Variants in MYO18B observed in about 807,000 individuals in gnomAD.
MYO18B encodes the protein unconventional myosin-XVIIIb.
A neutral mutation model predicts 273.0 loss-of-function variants in MYO18B; 204 were observed. The observed-to-expected ratio is 0.75, with a 90% CI of 0.67 to 0.84. The LOEUF (loss-of-function observed/expected upper bound fraction) is 0.84. Among genes scored for constraint, MYO18B ranks in the 40% least tolerant of loss-of-function variants. MYO18B has a pLI of 0.00. For missense variants in MYO18B, 3,212 were observed against 3,287.6 expected (o/e 0.98, Z 0.56); for synonymous variants, 1,330 against 1,305.7 (o/e 1.02, Z -0.40).
intron 10 of MYO18B, 132 bp downstream of exon 10, chr22:25,781,966 G>T: frequency 1.7e-6 from 1 of 583,080 alleles, no homozygotes; most frequent in African/African-American, 1.9e-5. Context: ...CATGGCGTCC[G>T]ATTCCAGCTG....
rs3070566 is a variant in MYO18B at position 25,914,686 on chromosome 22, CTT to C, written c.5364+3663_5364+3664del. Among the ~76,000 whole-genome samples the C allele has an allele frequency of 4.1e-4, 21 of 50,836 alleles. No homozygotes were observed. In the East Asian group the frequency reaches 8.0e-3, roughly 19 times the overall value. The allele number at this position is 50,836 out of a possible 152,430, so 33.4% of individuals were successfully genotyped here. ...TTTGAAAATAAGAATAGTTTTGACT[CTT>C]TTTTTTTTTTTTTTTTTTTTTTTTT... On this transcript the variant is annotated intron_variant, in intron 33 of 43. Transcript: ENST00000335473.
At chr22:25,808,241 C>T (rs113339306) in intron 12 of MYO18B, among the ~76,000 whole-genome samples, 3 of 152,176 alleles carry the variant, frequency 2.0e-5, no homozygotes, top group Non-Finnish European at 4.4e-5. Context: ...AGACACAATC[C>T]TCTTCCCAGG....
At chr22:25,772,771 G>C (rs2086769561) in intron 7 of MYO18B, among the ~76,000 whole-genome samples, 1 of 152,242 alleles carries the variant, frequency 6.6e-6, no homozygotes, top group African/African-American at 2.4e-5. Flanking sequence ...AATACTGAAT[G>C]AGTGTGAACT....
intron 21 of MYO18B, among the ~76,000 whole-genome samples, chr22:25,856,956 T>G (rs117797396): frequency 0.041 from 6,165 of 152,144 alleles, 185 homozygotes; most frequent in East Asian, 0.14. Flanking sequence ...TCCATGGTCC[T>G]CTCTAGGAAG....
chr22:26,005,963 T>G (rs955899178), intron 42 of MYO18B, among the ~76,000 whole-genome samples: 2 of 152,192 alleles, frequency 1.3e-5, no homozygotes, highest in Admixed American at 6.5e-5. Flanking sequence ...AAAGCAAGAT[T>G]ATCTGATTAC....
chr22:25,830,071 C>T (rs1229038266), intron 15 of MYO18B, among the ~76,000 whole-genome samples: 2 of 152,018 alleles, frequency 1.3e-5, no homozygotes, highest in Non-Finnish European at 2.9e-5. Flanking sequence ...TTAGAAATGG[C>T]CATATTGTTC....
chr22:26,053,175 C>A, the MYO18B span, among the ~76,000 whole-genome samples: 3 of 152,134 alleles, frequency 2.0e-5, no homozygotes, highest in Admixed American at 1.3e-4. Flanking sequence ...TAGACTGATT[C>A]TTTGAATGTC....
chr22:25,847,952 C>CT (rs1367117685), intron 20 of MYO18B, among the ~76,000 whole-genome samples: 1 of 45,148 alleles, frequency 2.2e-5, no homozygotes, highest in African/African-American at 9.1e-5. Context: ...CACACATACA[C>CT]ACACACACAC....
At position 25,803,396 on chromosome 22, in the gene MYO18B, T is replaced by C. The variant is rs2088310820; in HGVS notation, c.2521+5299T>C. On this transcript the variant is annotated intron_variant, in intron 12 of 43. Transcript: ENST00000335473. ...GGATATACCACATTTTGTTTACCCATGGACCAGTTTTTTTTTTCTTTTATT... is the reference window on the plus strand; with the variant it reads ...GGATATACCACATTTTGTTTACCCACGGACCAGTTTTTTTTTTCTTTTATT... Among the ~76,000 whole-genome samples the C allele has an allele frequency of 2.6e-5, 4 of 151,232 alleles. No individual in the cohort carries two copies. The South Asian group carries it at 8.5e-4, about 32-fold the overall frequency.
At position 25,763,447 on chromosome 22, in the gene MYO18B, G is replaced by C. The variant is rs2086400584; in HGVS notation, c.198+58G>C. The C allele has an allele frequency of 1.5e-5, 23 of 1,552,670 alleles. No individual in the cohort carries two copies. In the South Asian group the frequency reaches 2.8e-4, roughly 19 times the overall value. ...GTTTCCATACCCATCATTCTGTCTT[G>C]TGAGCTTCCTCTGAGTCATTTGTCA... On this transcript the variant is annotated intron_variant, in intron 3 of 43. Transcript: ENST00000335473.
At chr22:25,797,439 C>A (rs1433005556) in intron 11 of MYO18B, among the ~76,000 whole-genome samples, 1 of 152,148 alleles carries the variant, frequency 6.6e-6, no homozygotes, top group Non-Finnish European at 1.5e-5. Context: ...ACCCCTTCTT[C>A]CTCTGATGTC....
chr22:25,964,226 G>C (rs2146698357), intron 39 of MYO18B: 1 of 153,026 alleles, frequency 6.5e-6, no homozygotes, highest in Non-Finnish European at 1.5e-5. Context: ...GATCAACCCT[G>C]GCGATCAACA....
downstream of MYO18B, among the ~76,000 whole-genome samples, chr22:26,031,409 G>A (rs1456213600): frequency 3.9e-5 from 6 of 152,152 alleles, no homozygotes; most frequent in Admixed American, 6.5e-5. Context: ...AGAGCTGTGA[G>A]GGCCTCTCTC....
chr22:25,996,160 C>G (rs1933212642), intron 40 of MYO18B, among the ~76,000 whole-genome samples: 1 of 152,190 alleles, frequency 6.6e-6, no homozygotes, highest in South Asian at 2.1e-4. Context: ...ACAAGTTATT[C>G]AACCTCTCTG....
intron 12 of MYO18B, among the ~76,000 whole-genome samples, chr22:25,798,455 A>G (rs2088028402): frequency 6.6e-6 from 1 of 152,238 alleles, no homozygotes; most frequent in African/African-American, 2.4e-5. Flanking sequence ...AAATTTAAGT[A>G]GTCATAGGTA....
At chr22:25,806,553 C>T (rs1601752436) in intron 12 of MYO18B, among the ~76,000 whole-genome samples, 1 of 152,296 alleles carries the variant, frequency 6.6e-6, no homozygotes, top group South Asian at 2.1e-4. Flanking sequence ...GCTCTGAGGG[C>T]TGGCACCACA....
chr22:25,917,545 G>GGGGTGGTGT (rs1555944183), intron 33 of MYO18B, among the ~76,000 whole-genome samples: 1 of 142,152 alleles, frequency 7.0e-6, no homozygotes, highest in Non-Finnish European at 1.5e-5. Context: ...GCTTTGTAGG[G>GGGGTGGTGT]GTGTGTGTGT....
intron 40 of MYO18B, among the ~76,000 whole-genome samples, chr22:25,997,448 T>G (rs1601792602): frequency 6.6e-6 from 1 of 152,052 alleles, no homozygotes; most frequent in East Asian, 1.9e-4. Flanking sequence ...CGCAAGCCCC[T>G]GAAGCCAGCC....
At chr22:25,742,365 T>A (rs990232270) in intron 1 of MYO18B, 72 bp downstream of exon 1, 2 of 152,216 alleles carry the variant, frequency 1.3e-5, no homozygotes, top group Non-Finnish European at 2.9e-5. Context: ...CGGAATGCGC[T>A]GCTGGGGGCT....
Sources: allele counts gnomAD v4.1 joint callset (sites outside exome capture counted in the v4.1 genomes callset), GRCh38; gene constraint gnomAD v4.1.1; transcripts MANE v1.5; gene names NCBI Gene and HGNC (gene_info 2026-07-23, HGNC 2026-07-21).